Variants in ATP10B observed in about 807,000 individuals in gnomAD.
The protein encoded by ATP10B is phospholipid-transporting ATPase VB.
ATP10B carries 122 observed loss-of-function variants against 141.2 expected under a neutral mutation model. That is an observed-to-expected ratio of 0.86 (90% CI 0.75 to 1.00). ATP10B has a LOEUF of 1.00. Ranked by LOEUF, ATP10B falls within the 50% of genes least tolerant of loss-of-function variation. The pLI is 0.00. For synonymous variants in ATP10B, 685 were observed against 692.0 expected, an observed-to-expected ratio of 0.99 and a Z score of 0.16; for missense variants, 1,876 against 1,825.3, an observed-to-expected ratio of 1.03 and a Z score of -0.51.
Position 160,843,814 on chromosome 5 carries a change from C to A in ATP10B, c.-576+8127G>T, listed in dbSNP as rs561666342. On this transcript the variant is annotated intron_variant, in intron 1 of 25. Transcript: ENST00000327245. ...CAAAACAATGCAGGGGTGTGATGGG[C>A]AGTGAATTCATATTATTTTTCTCAA... 3.3e-4 allele frequency among the ~76,000 whole-genome samples: 50 copies of A among 152,150 alleles called. 1 individual carries two copies. In the South Asian group the frequency reaches 9.8e-3, roughly 30 times the overall value.
chr5:160,772,105 G>C lies in ATP10B; in HGVS notation c.-331+13454C>G, dbSNP rs569671803. Among the ~76,000 whole-genome samples the C allele has an allele frequency of 2.2e-3, 339 of 152,364 alleles. 1 individual carries two copies. The highest frequency in any genetic ancestry group is 3.7e-3 in the Non-Finnish European group (255 of 68,030). On this transcript the variant is annotated intron_variant, in intron 2 of 25. Coordinates refer to ENST00000327245, the MANE Select transcript of ATP10B (RefSeq NM_025153.3). ...AACGTGAGAGCAGAGATTTCTCTTA[G>C]ATATACTGATTTCAAATCTTTTGGG...
At chr5:160,901,779 C>A in the ATP10B span, among the ~76,000 whole-genome samples, 4 of 152,150 alleles carry the variant, frequency 2.6e-5, no homozygotes, top group African/African-American at 9.7e-5. Flanking sequence ...TTCCATCATA[C>A]CCAACAGTAC....
chr5:160,664,127 G>A lies in ATP10B; in HGVS notation c.675+6336C>T, dbSNP rs895823384. Among the ~76,000 whole-genome samples the A allele has an allele frequency of 1.8e-4, 27 of 152,156 alleles. 1 individual carries two copies. Among genetic ancestry groups the A allele is most frequent in the Admixed American group, 1.2e-3 (18 of 15,272 alleles). ...TCAACATTTAAGCACTGATCAACAG[G>A]TAGAAAGCACTAAGTTTCATTCTTA... On this transcript the variant is annotated intron_variant, in intron 7 of 25. Transcript: ENST00000327245.
At chr5:160,801,768 A>G (rs1323164689) in intron 1 of ATP10B, among the ~76,000 whole-genome samples, 1 of 152,176 alleles carries the variant, frequency 6.6e-6, no homozygotes, top group Non-Finnish European at 1.5e-5. Flanking sequence ...TCACCAGTTA[A>G]TGAGACAGAA....
At chr5:160,671,959 G>A (rs539548569) in intron 6 of ATP10B, among the ~76,000 whole-genome samples, 9 of 138,616 alleles carry the variant, frequency 6.5e-5, no homozygotes, top group Non-Finnish European at 1.1e-4. Context: ...ACTTCTCAAG[G>A]CAATGCATCC....
At chr5:160,806,377 A>T (rs1347025802) in intron 1 of ATP10B, among the ~76,000 whole-genome samples, 4 of 152,226 alleles carry the variant, frequency 2.6e-5, no homozygotes, top group African/African-American at 7.2e-5. Context: ...TAACATCTGA[A>T]AAACAAGCTA....
rs1179630744 is a variant in ATP10B, at chr5:160,569,599, A to C, written c.3835T>G (p.Cys1279Gly). 6.2e-7 allele frequency: 1 copy of C among 1,613,764 alleles called. No homozygotes were observed. Among genetic ancestry groups the C allele is most frequent in the South Asian group, 1.1e-5 (1 of 91,032 alleles). ...SLLYNATCVI[C>G]NSPTNPYWVM... ...CAATAGGGATTGGTGGGGCTGTTGC[A>C]GATGACGCAGGTGGCATTGTACAGG... The change falls in exon 25 of 26, where the codon TGC becomes GGC. Residue 1279 changes from cysteine to glycine, a missense_variant. Physicochemically the swap from Cys to Gly is radical, Grantham distance 159 (BLOSUM62 -3). Coordinates refer to ENST00000327245, the MANE Select transcript of ATP10B (RefSeq NM_025153.3).
intron 2 of ATP10B, among the ~76,000 whole-genome samples, chr5:160,751,135 C>A (rs916223709): frequency 3.3e-5 from 5 of 152,216 alleles, no homozygotes; most frequent in Non-Finnish European, 7.3e-5. Context: ...ACAGCATGTG[C>A]ATTATTAAGC....
intron 2 of ATP10B, among the ~76,000 whole-genome samples, chr5:160,780,705 T>C (rs909597187): frequency 6.6e-6 from 1 of 152,196 alleles, no homozygotes; most frequent in African/African-American, 2.4e-5. Context: ...TAGATACTTT[T>C]AGATTCCAGC....
chr5:160,785,020 C>G (rs1771028357), intron 2 of ATP10B, among the ~76,000 whole-genome samples: 1 of 152,070 alleles, frequency 6.6e-6, no homozygotes, highest in African/African-American at 2.4e-5. Context: ...ATTTGCTTTG[C>G]TAAGGACTGG....
At chr5:160,730,892 C>T (rs932136295) in intron 2 of ATP10B, among the ~76,000 whole-genome samples, 7 of 152,274 alleles carry the variant, frequency 4.6e-5, no homozygotes, top group East Asian at 1.9e-4. Context: ...TGGCAGAACA[C>T]TTGGGAAAAG....
At chr5:160,675,301 AAT>A in intron 6 of ATP10B, among the ~76,000 whole-genome samples, 1 of 96,074 alleles carries the variant, frequency 1.0e-5, no homozygotes, top group Non-Finnish European at 2.9e-5. Context: ...AAATAAGACA[AAT>A]CAACATGGCT....
intron 1 of ATP10B, among the ~76,000 whole-genome samples, chr5:160,817,955 G>T (rs1214897377): frequency 1.3e-5 from 2 of 152,176 alleles, no homozygotes; most frequent in Non-Finnish European, 2.9e-5. Flanking sequence ...TATGTAGGAA[G>T]CTGAAACTGG....
chr5:160,909,446 C>T, the ATP10B span, among the ~76,000 whole-genome samples: 1 of 152,098 alleles, frequency 6.6e-6, no homozygotes, highest in African/African-American at 2.4e-5. Context: ...TGGTATGGTC[C>T]CTGACCACAC....
the ATP10B span, among the ~76,000 whole-genome samples, chr5:160,924,795 G>A: frequency 6.6e-6 from 1 of 152,296 alleles, no homozygotes; most frequent in African/African-American, 2.4e-5. Context: ...GCCAGCATAA[G>A]GAAATGTTAT....
intron 2 of ATP10B, among the ~76,000 whole-genome samples, chr5:160,752,403 C>A (rs572139852): frequency 1.3e-5 from 2 of 152,222 alleles, no homozygotes; most frequent in South Asian, 4.2e-4. Flanking sequence ...AATCCAATGA[C>A]TATTCCACTT....
In ATP10B at chr5:160,653,315, G is replaced by C. The variant is rs28970525; in HGVS notation, c.676-4059C>G. 3.4e-3 allele frequency among the ~76,000 whole-genome samples: 402 copies of C among 117,390 alleles called. 22 individuals carry two copies. The highest frequency in any genetic ancestry group is 0.013 in the African/African-American group (383 of 28,794). The allele number at this position is 117,390 out of a possible 152,430, so 77.0% of individuals were successfully genotyped here. ...ATATACATACGTACATACATACATA[G>C]GTAGTATATATACATACGTACATAC... On this transcript the variant is annotated intron_variant, in intron 7 of 25. Coordinates refer to ENST00000327245, the MANE Select transcript of ATP10B (RefSeq NM_025153.3).
At chr5:160,893,825 G>A in the ATP10B span, among the ~76,000 whole-genome samples, 1 of 152,120 alleles carries the variant, frequency 6.6e-6, no homozygotes, top group African/African-American at 2.4e-5. Flanking sequence ...TGCCCCTCTT[G>A]GATGAAGTTT....
intron 7 of ATP10B, among the ~76,000 whole-genome samples, chr5:160,665,152 G>GA (rs571661668): frequency 2.9e-4 from 44 of 151,004 alleles, no homozygotes; most frequent in South Asian, 2.7e-3. Context: ...AAGTTCCAAT[G>GA]AAAAAAAAAG....
Sources: gnomAD v4.1 joint callset for allele counts (sites outside exome capture counted in the v4.1 genomes callset) on GRCh38, gnomAD v4.1.1 for gene constraint, MANE v1.5 for transcripts, NCBI Gene and HGNC (gene_info 2026-07-23, HGNC 2026-07-21) for gene names.